Variants in ESR1 observed in about 807,000 individuals in gnomAD.
ESR1 encodes the protein estrogen receptor 1, also known as estrogen receptor.
Under a neutral mutation model 52.7 loss-of-function variants are expected in ESR1, and 12 were observed. That is an observed-to-expected ratio of 0.23 (90% CI 0.15 to 0.37). The LOEUF (loss-of-function observed/expected upper bound fraction) is 0.37, where lower values mean the gene tolerates loss of function less well. Among genes scored for constraint, ESR1 ranks in the 10% least tolerant of loss-of-function variants. The pLI, the probability that ESR1 is intolerant of heterozygous loss-of-function variation, is 1.00. For synonymous variants in ESR1, 305 were observed against 316.8 expected (o/e 0.96, Z 0.39); for missense variants, 584 against 779.7 (o/e 0.75, Z 2.99).
Position 151,929,739 on chromosome 6 carries a change from G to A in ESR1, c.761-14434G>A, listed in dbSNP as rs575978112. Reference sequence around the variant, plus strand: ...CAAAATAAATAAATCAATAAGTGGGGCTTTTTGTAGACAACATATAGTTTG... The same window carrying A: ...CAAAATAAATAAATCAATAAGTGGGACTTTTTGTAGACAACATATAGTTTG... On this transcript the variant is annotated intron_variant, in intron 3 of 7. Coordinates refer to ENST00000206249, the MANE Select transcript of ESR1 (RefSeq NM_000125.4). Among the ~76,000 whole-genome samples the A allele has an allele frequency of 5.3e-5, 8 of 152,158 alleles. No homozygotes were observed. In the East Asian group the frequency reaches 1.4e-3, roughly 26 times the overall value.
chr6:152,081,916 C>G (rs1237938691), intron 6 of ESR1, among the ~76,000 whole-genome samples: 1 of 152,174 alleles, frequency 6.6e-6, no homozygotes, highest in Non-Finnish European at 1.5e-5. Context: ...CCTCCCAAGA[C>G]TCAACCAGGA....
At chr6:152,039,161 T>C (rs1370203408) in intron 5 of ESR1, among the ~76,000 whole-genome samples, 3 of 152,208 alleles carry the variant, frequency 2.0e-5, no homozygotes, top group East Asian at 3.8e-4. Flanking sequence ...CCTTTGCCTC[T>C]AGCAAGTACC....
At chr6:151,703,054 T>C (rs188203646) in intron 2 of ESR1, among the ~76,000 whole-genome samples, 3 of 152,304 alleles carry the variant, frequency 2.0e-5, no homozygotes, top group Non-Finnish European at 4.4e-5. Flanking sequence ...TAGGTCTGTC[T>C]GCCAATCAGC....
At chr6:151,833,643 G>A (rs1482204851) in intron 1 of ESR1, among the ~76,000 whole-genome samples, 2 of 152,164 alleles carry the variant, frequency 1.3e-5, no homozygotes, top group Non-Finnish European at 2.9e-5. Context: ...AAGCTGGGAG[G>A]CCATGGCAAG....
intron 2 of ESR1, among the ~76,000 whole-genome samples, chr6:151,781,428 C>T (rs938785278): frequency 1.3e-5 from 2 of 152,232 alleles, no homozygotes; most frequent in Non-Finnish European, 2.9e-5. Flanking sequence ...AATCATTTCT[C>T]ACAGGCACCA....
intron 1 of ESR1, among the ~76,000 whole-genome samples, chr6:151,823,713 C>T (rs1780986671): frequency 6.6e-6 from 1 of 151,414 alleles, no homozygotes; most frequent in African/African-American, 2.4e-5. Flanking sequence ...TGAGTGAGAA[C>T]ATGCGGTGTT....
chr6:151,693,649 G>A (rs958918928), intron 1 of ESR1, among the ~76,000 whole-genome samples: 3 of 151,912 alleles, frequency 2.0e-5, no homozygotes, highest in Admixed American at 6.6e-5. Flanking sequence ...ATGGAGTCTC[G>A]CTCTTTCACC....
At chr6:151,975,038 G>A (rs2039301954) in intron 4 of ESR1, among the ~76,000 whole-genome samples, 1 of 152,158 alleles carries the variant, frequency 6.6e-6, no homozygotes, top group African/African-American at 2.4e-5. Context: ...GTGGAAATGG[G>A]GTAGCTGTGA....
At chr6:151,966,100 C>T (rs924872410) in intron 4 of ESR1, among the ~76,000 whole-genome samples, 1 of 152,076 alleles carries the variant, frequency 6.6e-6, no homozygotes, top group Non-Finnish European at 1.5e-5. Flanking sequence ...TATGTACTGT[C>T]TGAACTCTCT....
At chr6:151,857,873 A>C (rs1297449124) in intron 2 of ESR1, among the ~76,000 whole-genome samples, 2 of 152,214 alleles carry the variant, frequency 1.3e-5, no homozygotes, top group Non-Finnish European at 2.9e-5. Flanking sequence ...AAATATTAAC[A>C]GTGACTATCT....
chr6:151,718,268 T>A (rs1781201511), intron 2 of ESR1, among the ~76,000 whole-genome samples: 1 of 152,192 alleles, frequency 6.6e-6, no homozygotes, highest in African/African-American at 2.4e-5. Context: ...GTCAACTACA[T>A]CTGGAAGGTT....
chr6:151,781,261 G>A (rs888624371), intron 2 of ESR1, among the ~76,000 whole-genome samples: 6 of 152,224 alleles, frequency 3.9e-5, no homozygotes, highest in African/African-American at 9.6e-5. Context: ...GATTCTGGAG[G>A]TTGGAAAGTC....
intron 2 of ESR1, among the ~76,000 whole-genome samples, chr6:151,725,010 C>T (rs1220768531): frequency 6.6e-6 from 1 of 152,138 alleles, no homozygotes; most frequent in Non-Finnish European, 1.5e-5. Flanking sequence ...TTAGGGAACA[C>T]ATTCATTGAC....
chr6:151,793,868 T>C (rs1776442395), intron 2 of ESR1, among the ~76,000 whole-genome samples: 1 of 152,256 alleles, frequency 6.6e-6, no homozygotes, highest in African/African-American at 2.4e-5. Context: ...GCTGGTTGCC[T>C]ACCTGCTCCC....
chr6:151,903,018 T>C (rs963934736), intron 3 of ESR1, among the ~76,000 whole-genome samples: 2 of 152,166 alleles, frequency 1.3e-5, no homozygotes, highest in Non-Finnish European at 2.9e-5. Context: ...CCTTCCGAAT[T>C]ACACCTGTTT....
chr6:151,970,789 A>G (rs2038827009), intron 4 of ESR1, among the ~76,000 whole-genome samples: 1 of 151,918 alleles, frequency 6.6e-6, no homozygotes, highest in South Asian at 2.1e-4. Flanking sequence ...TGTTGAATTC[A>G]CTCATTTACC....
chr6:151,818,428 A>G (rs1043778703), intron 1 of ESR1, among the ~76,000 whole-genome samples: 2 of 152,166 alleles, frequency 1.3e-5, no homozygotes, highest in East Asian at 1.9e-4. Context: ...ATGCTCAGCA[A>G]TTGTGATCAG....
chr6:151,755,249 A>G (rs1020631747), intron 2 of ESR1, among the ~76,000 whole-genome samples: 3 of 151,990 alleles, frequency 2.0e-5, no homozygotes, highest in Non-Finnish European at 2.9e-5. Flanking sequence ...ACCAAAAAAA[A>G]AAAGCAAAGA....
intron 4 of ESR1, among the ~76,000 whole-genome samples, chr6:151,981,941 C>T (rs1043681484): frequency 1.3e-5 from 2 of 152,180 alleles, no homozygotes; most frequent in Non-Finnish European, 2.9e-5. Flanking sequence ...TTCTGCTGTG[C>T]GTCTAGACAA....
Sources: allele counts gnomAD v4.1 joint callset (sites outside exome capture counted in the v4.1 genomes callset), GRCh38; gene constraint gnomAD v4.1.1; transcripts MANE v1.5; gene names NCBI Gene and HGNC (gene_info 2026-07-23, HGNC 2026-07-21).